LDLRAP1: variants seen among roughly 807,000 people sequenced by gnomAD.
The protein encoded by LDLRAP1 is low density lipoprotein receptor adapter protein 1.
LDLRAP1 carries 30 observed loss-of-function variants against 37.8 expected under a neutral mutation model. The ratio of observed to expected loss-of-function variants is 0.79; its 90% CI spans 0.59 to 1.08. The LOEUF (loss-of-function observed/expected upper bound fraction) is 1.08, where lower values mean the gene tolerates loss of function less well. LDLRAP1 is among the 50% of genes least tolerant of loss of function. The pLI is 0.00. For missense variants in LDLRAP1, 375 were observed against 401.6 expected, an observed-to-expected ratio of 0.93 and a Z score of 0.57; for synonymous variants, 156 against 169.8, an observed-to-expected ratio of 0.92 and a Z score of 0.63.
chr1:25,583,982 A>G, the LDLRAP1 span, among the ~76,000 whole-genome samples: 1 of 151,690 alleles, frequency 6.6e-6, no homozygotes, highest in African/African-American at 2.4e-5. Flanking sequence ...CTCCCTCTCT[A>G]TTTTTAACAT....
At chr1:25,565,232 T>G (rs189878853) in intron 8 of LDLRAP1, 25 bp downstream of exon 8, 4 of 1,613,834 alleles carry the variant, frequency 2.5e-6, no homozygotes, top group Non-Finnish European at 3.4e-6. Context: ...CTGTGCTGGG[T>G]AGGGGGCCTG....
intron 6 of LDLRAP1, among the ~76,000 whole-genome samples, chr1:25,563,378 A>G (rs910622755): frequency 3.9e-5 from 6 of 152,240 alleles, no homozygotes; most frequent in African/African-American, 1.4e-4. Flanking sequence ...ATGCAAATAT[A>G]TAAATATGCG....
chr1:25,552,221 G>A (rs976261182), intron 1 of LDLRAP1, among the ~76,000 whole-genome samples: 1 of 152,194 alleles, frequency 6.6e-6, no homozygotes, highest in African/African-American at 2.4e-5. Context: ...TTCTGCTCTT[G>A]ACAGAGCCGG....
At chr1:25,581,965 C>T in the LDLRAP1 span, among the ~76,000 whole-genome samples, 3 of 152,190 alleles carry the variant, frequency 2.0e-5, no homozygotes, top group Non-Finnish European at 2.9e-5. Context: ...GGCCTCATCC[C>T]GCTGAGATGG....
chr1:25,577,373 C>T, the LDLRAP1 span, among the ~76,000 whole-genome samples: 1 of 152,078 alleles, frequency 6.6e-6, no homozygotes, highest in Non-Finnish European at 1.5e-5. Context: ...CCACCAGGAC[C>T]TGGGCTGGGC....
downstream of LDLRAP1, among the ~76,000 whole-genome samples, chr1:25,570,224 C>T (rs373499013): frequency 2.0e-5 from 3 of 152,274 alleles, no homozygotes; most frequent in African/African-American, 7.2e-5. Flanking sequence ...GAAAAGACAC[C>T]CAACAAGTTT....
rs758321083 is a variant in LDLRAP1 at position 25,557,245 on chromosome 1, TC to T, written c.439del (p.Leu147SerfsTer15). The T allele has an allele frequency of 3.7e-6, 6 of 1,602,296 alleles. No homozygotes were observed. The highest frequency in any genetic ancestry group is 5.1e-6 in the Non-Finnish European group (6 of 1,171,294). ...AACCAGAGCCTCGAGTGCCACGCCTTCCTCTGCACCAAGCGGAAGATGGTCA... is the reference window on the plus strand; with the variant it reads ...AACCAGAGCCTCGAGTGCCACGCCTTCTCTGCACCAAGCGGAAGATGGTCA... ...QHNQSLECHA[F>X]LCTKRKMAQA... On this transcript the variant is annotated frameshift_variant, in exon 4 of 9. Coordinates refer to ENST00000374338, the MANE Select transcript of LDLRAP1 (RefSeq NM_015627.3). LOFTEE classifies it high-confidence loss of function.
the LDLRAP1 span, among the ~76,000 whole-genome samples, chr1:25,582,150 T>G: frequency 6.6e-6 from 1 of 152,206 alleles, no homozygotes; most frequent in African/African-American, 2.4e-5. Context: ...TTCTTGTCTC[T>G]CAAATAAGGG....
At position 25,554,977 on chromosome 1, in the gene LDLRAP1, G is replaced by A. The variant is rs768847930; in HGVS notation, c.344+5G>A. On this transcript the variant is annotated splice_donor_5th_base_variant and intron_variant, in intron 3 of 8. Coordinates refer to ENST00000374338, the MANE Select transcript of LDLRAP1 (RefSeq NM_015627.3). This position sits in a 1 kb window ranked among gnomAD's most constrained non-coding sequence, Gnocchi z 5.4. Reference sequence around the variant, plus strand: ...TGAGAACGTGTCCATATACAGGTACGCTCAGCATGGGGTTGGCCCATCCAC... The same window carrying A: ...TGAGAACGTGTCCATATACAGGTACACTCAGCATGGGGTTGGCCCATCCAC... 6.2e-6 allele frequency: 10 copies of A among 1,607,094 alleles called. No homozygotes were observed. Among genetic ancestry groups the A allele is most frequent in the African/African-American group, 1.3e-5 (1 of 74,900 alleles).
intron 4 of LDLRAP1, among the ~76,000 whole-genome samples, chr1:25,558,937 T>C (rs1238879933): frequency 6.6e-6 from 1 of 152,180 alleles, no homozygotes; most frequent in East Asian, 1.9e-4. Context: ...TGATTTGCTG[T>C]GTTACCTTGG....
At chr1:25,582,795 G>T in the LDLRAP1 span, among the ~76,000 whole-genome samples, 1 of 151,970 alleles carries the variant, frequency 6.6e-6, no homozygotes, top group Non-Finnish European at 1.5e-5. Context: ...CAATGAGCCG[G>T]GTACGGTGGC....
intron 1 of LDLRAP1, among the ~76,000 whole-genome samples, chr1:25,549,309 C>T (rs767284635): frequency 6.6e-6 from 1 of 152,216 alleles, no homozygotes. Flanking sequence ...CATCTCCCCA[C>T]CAGGCTGGGG....
At chr1:25,571,252 C>T (rs537547842), downstream of LDLRAP1, among the ~76,000 whole-genome samples, 72 of 152,368 alleles carry the variant, frequency 4.7e-4, 1 homozygote, top group African/African-American at 1.7e-3. Context: ...GACACCAGAG[C>T]AGATCCCACC....
chr1:25,582,455 T>TGG, the LDLRAP1 span, among the ~76,000 whole-genome samples: 149 of 150,442 alleles, frequency 9.9e-4, 1 homozygote, highest in Middle Eastern at 6.8e-3. Flanking sequence ...CATGGTGGCA[T>TGG]GCACCTGTAG....
At chr1:25,566,211 T>C (rs1221899497) in intron 8 of LDLRAP1, among the ~76,000 whole-genome samples, 1 of 152,200 alleles carries the variant, frequency 6.6e-6, no homozygotes, top group African/African-American at 2.4e-5. Context: ...GTTTTGGGCT[T>C]AATTCATGCT....
At chr1:25,569,175 C>G (rs570527910), downstream of LDLRAP1, among the ~76,000 whole-genome samples, 1 of 152,344 alleles carries the variant, frequency 6.6e-6, no homozygotes, top group South Asian at 2.1e-4. Flanking sequence ...GGACTGTGGC[C>G]AGGCTGTGAG....
chr1:25,578,720 T>C, the LDLRAP1 span, among the ~76,000 whole-genome samples: 1 of 152,174 alleles, frequency 6.6e-6, no homozygotes, highest in Non-Finnish European at 1.5e-5. Flanking sequence ...TTTCACCATG[T>C]TGCCCAGGCT....
At chr1:25,583,238 G>A in the LDLRAP1 span, among the ~76,000 whole-genome samples, 3 of 145,774 alleles carry the variant, frequency 2.1e-5, no homozygotes, top group Non-Finnish European at 3.0e-5. Context: ...TGCCCAGGCT[G>A]GAGTGCAGTG....
At position 25,554,202 on chromosome 1, in the gene LDLRAP1, C is replaced by A; in HGVS notation, c.231+138C>A. ...TGCCCTTCATTCTCCTTCCATCCAG[C>A]TTTTGGGCCTTGGCAGAGGGGAACC... is the stretch of plus-strand genomic sequence containing the variant. On this transcript the variant is annotated intron_variant, in intron 2 of 8. Transcript: ENST00000374338. The surrounding 1 kb of genome is among the most constrained non-coding windows in gnomAD (Gnocchi z 5.4). The A allele has an allele frequency of 1.8e-6, 2 of 1,124,142 alleles. No homozygotes were observed. The highest frequency in any genetic ancestry group is 2.6e-6 in the Non-Finnish European group (2 of 783,868). The allele number at this position is 1,124,142 out of a possible 1,614,324, so 69.6% of individuals were successfully genotyped here.
Sources: gnomAD v4.1 joint callset for allele counts (sites outside exome capture counted in the v4.1 genomes callset) on GRCh38, gnomAD v4.1.1 for gene constraint, Gnocchi (gnomAD v3.1) non-coding constraint, MANE v1.5 for transcripts, NCBI Gene and HGNC (gene_info 2026-07-23, HGNC 2026-07-21) for gene names.